The following PLAC8 variants were observed in gnomAD, a reference collection of about 807,000 sequenced individuals.
The protein encoded by PLAC8 is placenta-specific gene 8 protein.
PLAC8 carries 6 observed loss-of-function variants against 12.6 expected under a neutral mutation model. That is an observed-to-expected ratio of 0.48 (90% CI 0.26 to 0.94). PLAC8 has a LOEUF of 0.94. Among genes scored for constraint, PLAC8 ranks in the 40% least tolerant of loss-of-function variants. The probability of loss-of-function intolerance (pLI) is 0.14; values close to 1 mark genes in which losing one functional copy is unlikely to be tolerated. For synonymous variants in PLAC8, 54 were observed against 52.6 expected (o/e 1.03, Z -0.11); for missense variants, 122 against 152.7 (o/e 0.80, Z 1.06).
chr4:83,093,366 A>C (rs998100684), intron 4 of PLAC8: 3 of 152,184 alleles, frequency 2.0e-5, no homozygotes, highest in African/African-American at 7.2e-5. Flanking sequence ...TGTTTCTTTC[A>C]GGGCAGGCCT....
chr4:83,102,313 C>A (rs1732117838), intron 3 of PLAC8, among the ~76,000 whole-genome samples: 1 of 151,990 alleles, frequency 6.6e-6, no homozygotes, highest in Admixed American at 6.6e-5. Context: ...AGGCGGATCA[C>A]TTGAGGTCAG....
intron 3 of PLAC8, among the ~76,000 whole-genome samples, chr4:83,097,935 C>T (rs1449436540): frequency 1.3e-5 from 2 of 151,016 alleles, no homozygotes; most frequent in African/African-American, 2.4e-5. Flanking sequence ...CTCGGCTCAC[C>T]GCAACCTCCG....
chr4:83,105,125 C>T (rs1732205091), intron 2 of PLAC8, 105 bp from the exon 3 acceptor site: 4 of 1,282,036 alleles, frequency 3.1e-6, no homozygotes, highest in Admixed American at 1.9e-5. Context: ...GGGGCCTTGG[C>T]CGCAAAGCCT....
At chr4:83,099,922 C>G (rs1732046693) in intron 3 of PLAC8, among the ~76,000 whole-genome samples, 1 of 151,390 alleles carries the variant, frequency 6.6e-6, no homozygotes, top group African/African-American at 2.4e-5. Flanking sequence ...AGGAAAATTG[C>G]TTGAACCTGG....
intron 3 of PLAC8, among the ~76,000 whole-genome samples, chr4:83,102,594 A>G (rs1732130568): frequency 6.6e-6 from 1 of 152,148 alleles, no homozygotes; most frequent in East Asian, 1.9e-4. Context: ...AAATATCAAC[A>G]GTAAAGGAGA....
intron 3 of PLAC8, among the ~76,000 whole-genome samples, chr4:83,101,171 A>T (rs1732091089): frequency 6.6e-6 from 1 of 152,178 alleles, no homozygotes; most frequent in Non-Finnish European, 1.5e-5. Flanking sequence ...CGAGGTCAGG[A>T]GATTGAGACC....
intron 1 of PLAC8, among the ~76,000 whole-genome samples, chr4:83,111,696 C>A (rs1418932709): frequency 6.6e-6 from 1 of 152,158 alleles, no homozygotes; most frequent in Non-Finnish European, 1.5e-5. Flanking sequence ...AATATAATAA[C>A]AGCAATCTGA....
At chr4:83,100,694 G>A (rs1326931095) in intron 3 of PLAC8, among the ~76,000 whole-genome samples, 1 of 152,108 alleles carries the variant, frequency 6.6e-6, no homozygotes, top group East Asian at 1.9e-4. Context: ...CAACAATACT[G>A]AAATTAGGTC....
In PLAC8 at chr4:83,107,951, C is replaced by A; in HGVS notation, c.-29-1G>T. On this transcript the variant is annotated splice_acceptor_variant, in intron 1 of 4. Coordinates refer to ENST00000311507, the MANE Select transcript of PLAC8 (RefSeq NM_016619.3). LOFTEE classifies it low-confidence loss of function (5UTR_SPLICE). ...AGTGCAGGGCCTTAAAAGCAGTGGA[C>A]TGAAAAGGCAGAGTGGTGTTAGAAA... 2 of 986,530 alleles carry A rather than the reference C, an allele frequency of 2.0e-6. No individual in the cohort carries two copies. Among genetic ancestry groups the A allele is most frequent in the East Asian group, 4.7e-5 (1 of 21,208 alleles). 61.1% of individuals were successfully genotyped at this position (986,530 alleles called of 1,614,324 possible).
In PLAC8 at chr4:83,090,067, A is replaced by G. The variant is rs906183929; in HGVS notation, c.*914T>C. ...AGTCTATTTTTTTTTTTTCTCATCTAAAGTTCTTAGATGAAAGAGAGCTGG... is the reference window on the plus strand; with the variant it reads ...AGTCTATTTTTTTTTTTTCTCATCTGAAGTTCTTAGATGAAAGAGAGCTGG... On this transcript the variant is annotated 3_prime_UTR_variant, in exon 5 of 5. Coordinates refer to ENST00000311507, the MANE Select transcript of PLAC8 (RefSeq NM_016619.3). 1.3e-5 allele frequency: 2 copies of G among 151,464 alleles called. No homozygotes were observed. The highest frequency in any genetic ancestry group is 4.8e-5 in the African/African-American group (2 of 41,268). 9.4% of individuals were successfully genotyped at this position (151,464 alleles called of 1,614,324 possible).
intron 3 of PLAC8, 101 bp downstream of exon 3, chr4:83,104,795 A>G (rs1220856861): frequency 7.7e-7 from 1 of 1,304,398 alleles, no homozygotes; most frequent in Non-Finnish European, 1.1e-6. Context: ...ACTCTTATCA[A>G]TCAATTTCAG....
At position 83,104,959 on chromosome 4, in the gene PLAC8, T is replaced by C. The variant is rs749611342; in HGVS notation, c.180A>G (p.Glu60=). 127 of 1,613,982 alleles carry C rather than the reference T, an allele frequency of 7.9e-5. No individual in the cohort carries two copies. The highest frequency in any genetic ancestry group is 1.0e-4 in the Non-Finnish European group (123 of 1,179,996). The change falls in exon 3 of 5, where the codon GAA becomes GAG. Residue 60 remains glutamate, a synonymous_variant. Coordinates refer to ENST00000311507, the MANE Select transcript of PLAC8 (RefSeq NM_016619.3). ...CGACGCTTGTTCCACACAGACAGCA[T>C]TCATTCATATCAGCTGCAACTTGAC... is the stretch of plus-strand genomic sequence containing the variant. ...LGCQVAADMN[E]CCLCGTSVAM...
At chr4:83,100,478 G>A (rs1021378338) in intron 3 of PLAC8, among the ~76,000 whole-genome samples, 9 of 128,784 alleles carry the variant, frequency 7.0e-5, no homozygotes, top group African/African-American at 2.4e-4. Flanking sequence ...AAATTACCCA[G>A]TCTCAGGTAC....
intron 3 of PLAC8, 62 bp downstream of exon 3, chr4:83,104,833 GT>G (rs1426224218): frequency 1.3e-6 from 2 of 1,541,152 alleles, no homozygotes; most frequent in East Asian, 4.5e-5. Flanking sequence ...TGATCTCCAT[GT>G]TTATAATAAT....
chr4:83,104,612 C>T (rs1044581278), intron 3 of PLAC8, among the ~76,000 whole-genome samples: 1 of 152,176 alleles, frequency 6.6e-6, no homozygotes, highest in African/African-American at 2.4e-5. Flanking sequence ...TGAGATAATA[C>T]ATGTAATGCA....
chr4:83,096,931 T>C (rs1290785981), intron 3 of PLAC8, among the ~76,000 whole-genome samples: 2 of 152,228 alleles, frequency 1.3e-5, no homozygotes, highest in African/African-American at 4.8e-5. Flanking sequence ...AATGGGCTGA[T>C]TGGCTTTGGG....
At chr4:83,096,216 G>A (rs977684756) in intron 3 of PLAC8, among the ~76,000 whole-genome samples, 1 of 152,184 alleles carries the variant, frequency 6.6e-6, no homozygotes, top group Non-Finnish European at 1.5e-5. Context: ...ACAGCTTGGC[G>A]GTTAGAAGTA....
At chr4:83,110,035 G>GGC (rs1732370026) in intron 1 of PLAC8, among the ~76,000 whole-genome samples, 1 of 152,118 alleles carries the variant, frequency 6.6e-6, no homozygotes, top group African/African-American at 2.4e-5. Flanking sequence ...CCGGGCAGCG[G>GGC]GCGCGCGGTC....
chr4:83,106,511 G>A (rs1306185776), intron 2 of PLAC8, among the ~76,000 whole-genome samples: 5 of 151,826 alleles, frequency 3.3e-5, no homozygotes, highest in Admixed American at 6.5e-5. Flanking sequence ...CCAGCTACTC[G>A]GAGGCCAAGG....
Sources: allele counts gnomAD v4.1 joint callset (sites outside exome capture counted in the v4.1 genomes callset), GRCh38; gene constraint gnomAD v4.1.1; transcripts MANE v1.5; gene names NCBI Gene and HGNC (gene_info 2026-07-23, HGNC 2026-07-21).